Variants in OCA2 observed in about 807,000 individuals in gnomAD.
The protein encoded by OCA2 is P protein.
A neutral mutation model predicts 100.2 loss-of-function variants in OCA2; 77 were observed. The observed-to-expected ratio is 0.77, with a 90% CI of 0.64 to 0.93. The LOEUF (loss-of-function observed/expected upper bound fraction) is 0.93. OCA2 is among the 40% of genes least tolerant of loss of function. The pLI is 0.00. For missense variants in OCA2, 1,062 were observed against 1,089.1 expected, an observed-to-expected ratio of 0.98 and a Z score of 0.35; for synonymous variants, 432 against 439.2, an observed-to-expected ratio of 0.98 and a Z score of 0.21.
rs2033237194 is a variant in OCA2 at position 27,794,454 on chromosome 15, GTCGGGAGTATA to G, written c.2433-38993_2433-38983del. On this transcript the variant is annotated intron_variant, in intron 23 of 23. Coordinates refer to ENST00000354638, the MANE Select transcript of OCA2 (RefSeq NM_000275.3). ...TCTGTCAGGAAACAACTTCAAATGA[GTCGGGAGTATA>G]TCAATACATAAGCAGGACTGTAGCC... 5.9e-5 allele frequency among the ~76,000 whole-genome samples: 9 copies of G among 152,298 alleles called. No homozygotes were observed. The South Asian group carries it at 1.9e-3, about 32-fold the overall frequency.
chr15:27,881,227 A>G (rs1288039376), intron 19 of OCA2, among the ~76,000 whole-genome samples: 2 of 152,164 alleles, frequency 1.3e-5, no homozygotes, highest in East Asian at 1.9e-4. Context: ...ATCGTGGTGG[A>G]TAAGCTTTTT....
At chr15:27,864,738 T>A (rs1022668377) in intron 21 of OCA2, among the ~76,000 whole-genome samples, 69 of 152,224 alleles carry the variant, frequency 4.5e-4, no homozygotes, top group Non-Finnish European at 6.6e-4. Flanking sequence ...ACAAGAGTAA[T>A]AATCTTTTAA....
Position 27,952,384 on chromosome 15 carries a change from G to C in OCA2, c.1843-492C>G, listed in dbSNP as rs190764024. On this transcript the variant is annotated intron_variant, in intron 17 of 23. Coordinates refer to ENST00000354638, the MANE Select transcript of OCA2 (RefSeq NM_000275.3). ...CCCGCGAGAATCCACCTGGTCATAG[G>C]GGGAGGGCAGGCCCCGAGGCACCTC... is the stretch of plus-strand genomic sequence containing the variant. Among the ~76,000 whole-genome samples, 12 of 152,332 alleles carry C rather than the reference G, an allele frequency of 7.9e-5. No homozygotes were observed. In the East Asian group the frequency reaches 1.9e-3, roughly 25 times the overall value.
chr15:28,023,342 T>C (rs897875373), intron 5 of OCA2, among the ~76,000 whole-genome samples: 3 of 152,184 alleles, frequency 2.0e-5, no homozygotes, highest in Non-Finnish European at 4.4e-5. Context: ...GGGTTGGTTA[T>C]TAAGAAGTTG....
intron 19 of OCA2, among the ~76,000 whole-genome samples, chr15:27,878,352 T>C (rs1464317841): frequency 6.6e-6 from 1 of 152,182 alleles, no homozygotes; most frequent in East Asian, 1.9e-4. Flanking sequence ...TCATTTTGCT[T>C]CATCCTGCAG....
intron 2 of OCA2, among the ~76,000 whole-genome samples, chr15:28,039,923 T>A (rs963289122): frequency 6.6e-6 from 1 of 151,230 alleles, no homozygotes; most frequent in African/African-American, 2.4e-5. Context: ...TCCCAGCTAC[T>A]CGGGAGGCTG....
intron 21 of OCA2, among the ~76,000 whole-genome samples, chr15:27,852,489 A>AT: frequency 6.6e-6 from 1 of 152,358 alleles, no homozygotes; most frequent in Admixed American, 6.5e-5. Flanking sequence ...AACCTAGGCA[A>AT]TACCATTCAG....
chr15:28,001,278 CAT>C (rs1347608544), intron 9 of OCA2, among the ~76,000 whole-genome samples: 5 of 151,990 alleles, frequency 3.3e-5, no homozygotes, highest in East Asian at 1.9e-4. Flanking sequence ...CACACACACA[CAT>C]ACACACACAA....
intron 19 of OCA2, among the ~76,000 whole-genome samples, chr15:27,893,793 G>A (rs112907241): frequency 0.016 from 2,368 of 152,220 alleles, 55 homozygotes; most frequent in African/African-American, 0.05. Flanking sequence ...TACGTGCACC[G>A]CTGAACATAG....
intron 6 of OCA2, among the ~76,000 whole-genome samples, chr15:28,019,755 C>T (rs2042530867): frequency 1.3e-5 from 2 of 152,190 alleles, no homozygotes; most frequent in Admixed American, 6.5e-5. Context: ...CAGGCCGAGG[C>T]CCCTCCTACC....
At chr15:27,740,433 A>G in the OCA2 span, among the ~76,000 whole-genome samples, 4 of 152,108 alleles carry the variant, frequency 2.6e-5, no homozygotes, top group African/African-American at 9.7e-5. Flanking sequence ...AGGGTCAGGG[A>G]AGGACATCAA....
intron 2 of OCA2, among the ~76,000 whole-genome samples, chr15:28,039,631 A>G (rs1195014801): frequency 6.6e-6 from 1 of 152,180 alleles, no homozygotes; most frequent in Non-Finnish European, 1.5e-5. Context: ...AACCCCTAGT[A>G]CCCCACAATG....
intron 1 of OCA2, among the ~76,000 whole-genome samples, chr15:28,092,601 C>T (rs1345767676): frequency 6.6e-6 from 1 of 152,182 alleles, no homozygotes; most frequent in Non-Finnish European, 1.5e-5. Flanking sequence ...GATCCTCTCA[C>T]CTTAGCCTCC....
chr15:27,837,973 C>T (rs1294453862), intron 23 of OCA2, among the ~76,000 whole-genome samples: 1 of 152,136 alleles, frequency 6.6e-6, no homozygotes, highest in African/African-American at 2.4e-5. Context: ...ATTAGGAACC[C>T]TGGAACTGAC....
chr15:27,732,210 C>T, the OCA2 span, among the ~76,000 whole-genome samples: 3 of 152,192 alleles, frequency 2.0e-5, no homozygotes, highest in Non-Finnish European at 4.4e-5. Flanking sequence ...CAATGAATTC[C>T]ATCATGCATG....
the OCA2 span, among the ~76,000 whole-genome samples, chr15:27,723,285 AT>A: frequency 6.6e-6 from 1 of 152,126 alleles, no homozygotes; most frequent in Non-Finnish European, 1.5e-5. Flanking sequence ...GCGTAGAATA[AT>A]GCCTGGAGCA....
At chr15:27,881,850 C>T (rs991384632) in intron 19 of OCA2, among the ~76,000 whole-genome samples, 1 of 152,010 alleles carries the variant, frequency 6.6e-6, no homozygotes, top group African/African-American at 2.4e-5. Flanking sequence ...ATTTGAAGGG[C>T]TTTTCATGTC....
chr15:27,824,271 G>A (rs2151283826), intron 23 of OCA2, among the ~76,000 whole-genome samples: 1 of 152,198 alleles, frequency 6.6e-6, no homozygotes, highest in South Asian at 2.1e-4. Flanking sequence ...GGGAGGCTGA[G>A]GCAGGAGAAT....
At chr15:27,773,666 A>G (rs747964117) in intron 23 of OCA2, among the ~76,000 whole-genome samples, 1 of 152,220 alleles carries the variant, frequency 6.6e-6, no homozygotes, top group Non-Finnish European at 1.5e-5. Flanking sequence ...ACTAAGGCCC[A>G]GAGAGGCTAA....
Sources: gnomAD v4.1 joint callset for allele counts (sites outside exome capture counted in the v4.1 genomes callset) on GRCh38, gnomAD v4.1.1 for gene constraint, MANE v1.5 for transcripts, NCBI Gene and HGNC (gene_info 2026-07-23, HGNC 2026-07-21) for gene names.